KLHL25: variants seen among roughly 807,000 people sequenced by gnomAD.
KLHL25 encodes kelch-like protein 25.
In KLHL25, 41 loss-of-function variants were observed where a neutral mutation model predicts 30.0. That is an observed-to-expected ratio of 1.37 (90% CI 1.07 to 1.78). The LOEUF (loss-of-function observed/expected upper bound fraction) is 1.78. Ranked by LOEUF, KLHL25 falls within the 40% of genes most tolerant of loss-of-function variation. The pLI is 0.00. For missense variants in KLHL25, 971 were observed against 824.5 expected, an observed-to-expected ratio of 1.18 and a Z score of -2.18; for synonymous variants, 399 against 355.3, an observed-to-expected ratio of 1.12 and a Z score of -1.38.
Position 85,789,276 on chromosome 15 carries a change from C to T in KLHL25, c.-11+5490G>A, listed in dbSNP as rs1392782270. ...CTTGAGCTGGTGGCAGCAGGCACAG[C>T]GCTCCCATGGCCTGCTCAGCCCTGC... On this transcript the variant is annotated intron_variant, in intron 1 of 2. Coordinates refer to ENST00000337975, the MANE Select transcript of KLHL25 (RefSeq NM_022480.4). The surrounding 1 kb of genome is among the most constrained non-coding windows in gnomAD (Gnocchi z 4.1). Among the ~76,000 whole-genome samples, 1 of 152,310 alleles carries T rather than the reference C, an allele frequency of 6.6e-6. No individual in the cohort carries two copies. Among genetic ancestry groups the T allele is most frequent in the South Asian group, 2.1e-4 (1 of 4,830 alleles).
At chr15:85,792,870 G>C (rs1661814945) in intron 1 of KLHL25, among the ~76,000 whole-genome samples, 1 of 152,026 alleles carries the variant, frequency 6.6e-6, no homozygotes, top group African/African-American at 2.4e-5. Context: ...CTATCACTAC[G>C]ATGTGTCAGG....
intron 1 of KLHL25, among the ~76,000 whole-genome samples, chr15:85,781,713 A>G (rs1457676822): frequency 1.3e-5 from 2 of 152,118 alleles, no homozygotes; most frequent in Admixed American, 1.3e-4. Flanking sequence ...TGAACTCCTA[A>G]TCTCCAGTAA....
At chr15:85,786,502 G>A (rs923309492) in intron 1 of KLHL25, among the ~76,000 whole-genome samples, 1 of 152,216 alleles carries the variant, frequency 6.6e-6, no homozygotes. Flanking sequence ...TTAGTCTGTG[G>A]TGGCCACTGC....
At chr15:85,773,793 C>G (rs955563372) in intron 1 of KLHL25, among the ~76,000 whole-genome samples, 12 of 152,156 alleles carry the variant, frequency 7.9e-5, no homozygotes, top group Admixed American at 5.9e-4. Context: ...GCCACCTACC[C>G]AAGATGGAAG....
At chr15:85,787,872 T>C (rs1413182992) in intron 1 of KLHL25, among the ~76,000 whole-genome samples, 1 of 152,100 alleles carries the variant, frequency 6.6e-6, no homozygotes, top group Non-Finnish European at 1.5e-5. Flanking sequence ...CCTCACACTG[T>C]GCTCCATCTT....
intron 1 of KLHL25, among the ~76,000 whole-genome samples, chr15:85,790,726 T>C (rs1483403741): frequency 6.6e-6 from 1 of 152,118 alleles, no homozygotes; most frequent in East Asian, 1.9e-4. Flanking sequence ...CCTCGGGCCT[T>C]GGTCACGCTG....
At chr15:85,793,227 A>G (rs866574903) in intron 1 of KLHL25, among the ~76,000 whole-genome samples, 2 of 152,128 alleles carry the variant, frequency 1.3e-5, no homozygotes, top group Non-Finnish European at 2.9e-5. Context: ...TGGAGCATGC[A>G]ATTTGCCTAT....
chr15:85,791,015 C>G (rs892903142), intron 1 of KLHL25, among the ~76,000 whole-genome samples: 20 of 151,400 alleles, frequency 1.3e-4, no homozygotes, highest in African/African-American at 4.9e-4. Flanking sequence ...GCCTGGCCAA[C>G]ATGGTGAAAC....
At position 85,770,258 on chromosome 15, in the gene KLHL25, C is replaced by G. The variant is rs552644524; in HGVS notation, c.-10-438G>C. Reference sequence around the variant, plus strand: ...TTCTCTTGTAAGTCCCATTTTAGAGCTAGGGAAGCCACAGCTCAGAGAGGC... The same window carrying G: ...TTCTCTTGTAAGTCCCATTTTAGAGGTAGGGAAGCCACAGCTCAGAGAGGC... On this transcript the variant is annotated intron_variant, in intron 1 of 2. Transcript: ENST00000337975. 7.2e-5 allele frequency among the ~76,000 whole-genome samples: 11 copies of G among 152,362 alleles called. 1 individual carries two copies. In the South Asian group the frequency reaches 2.3e-3, roughly 32 times the overall value.
chr15:85,780,262 A>C (rs1428734098), intron 1 of KLHL25, among the ~76,000 whole-genome samples: 1 of 152,240 alleles, frequency 6.6e-6, no homozygotes. Flanking sequence ...CAGAGGGGAC[A>C]AAGAACTCAG....
intron 2 of KLHL25, among the ~76,000 whole-genome samples, chr15:85,767,034 A>C (rs1219068180): frequency 1.4e-5 from 2 of 140,786 alleles, no homozygotes; most frequent in Non-Finnish European, 3.0e-5. Flanking sequence ...ACTGTTGCCC[A>C]GGCTGGAGTA....
In KLHL25 at chr15:85,765,621, C is replaced by CAA. The variant is rs200486890; in HGVS notation, c.*24+2394_*24+2395dup. Among the ~76,000 whole-genome samples the CAA allele has an allele frequency of 2.5e-3, 187 of 75,508 alleles. 2 individuals are homozygous for CAA. The highest frequency in any genetic ancestry group is 0.025 in the Middle Eastern group (2 of 80). 49.5% of individuals were successfully genotyped at this position (75,508 alleles called of 152,430 possible). ...AGCCTGGGGGAGAACGAGACTGTCT[C>CAA]AAAAAAAAAAAAAAGAAGAAGAAGA... On this transcript the variant is annotated intron_variant, in intron 2 of 2. Coordinates refer to ENST00000337975, the MANE Select transcript of KLHL25 (RefSeq NM_022480.4).
chr15:85,793,702 T>C (rs555728483), intron 1 of KLHL25, among the ~76,000 whole-genome samples: 124 of 152,204 alleles, frequency 8.1e-4, no homozygotes, highest in African/African-American at 2.9e-3. Flanking sequence ...CTAACTTCCT[T>C]CCCTTCCTCT....
In KLHL25 at chr15:85,788,019, G is replaced by A. The variant is rs569323504; in HGVS notation, c.-11+6747C>T. On this transcript the variant is annotated intron_variant, in intron 1 of 2. Transcript: ENST00000337975. ...GGAGGTGAGCTGAGATCGCGCCACCGCACTGCGGCCTGGGCAATGAGAGGG... is the reference window on the plus strand; with the variant it reads ...GGAGGTGAGCTGAGATCGCGCCACCACACTGCGGCCTGGGCAATGAGAGGG... Among the ~76,000 whole-genome samples the A allele has an allele frequency of 8.8e-5, 11 of 124,918 alleles. No homozygotes were observed. In the East Asian group the frequency reaches 1.2e-3, roughly 14 times the overall value. 82.0% of individuals were successfully genotyped at this position (124,918 alleles called of 152,430 possible). A position where few individuals can be genotyped will look rare whatever the true frequency, so the allele number is the denominator to read the frequency against.
chr15:85,778,279 T>C (rs1375319183), intron 1 of KLHL25, among the ~76,000 whole-genome samples: 1 of 152,182 alleles, frequency 6.6e-6, no homozygotes, highest in Non-Finnish European at 1.5e-5. Flanking sequence ...CACATCTCAC[T>C]GGCCAAATCC....
In KLHL25 at chr15:85,768,029, A is replaced by C. The variant is rs142950006; in HGVS notation, c.*12T>G. On this transcript the variant is annotated 3_prime_UTR_variant, in exon 2 of 3. Coordinates refer to ENST00000337975, the MANE Select transcript of KLHL25 (RefSeq NM_022480.4). The stretch of plus-strand genomic sequence containing the variant: ...GCCAGGGACTCACCTGGCTGGGCTC[A>C]GCAGGTGCTCCTCACGCGGGCAGGT... 6,449 of 1,603,194 alleles carry C rather than the reference A, an allele frequency of 4.0e-3. 12 individuals are homozygous for C. Among genetic ancestry groups the C allele is most frequent in the Non-Finnish European group, 5.0e-3 (5,885 of 1,172,240 alleles).
At chr15:85,772,665 G>C (rs1020344058) in intron 1 of KLHL25, among the ~76,000 whole-genome samples, 1 of 152,234 alleles carries the variant, frequency 6.6e-6, no homozygotes, top group Non-Finnish European at 1.5e-5. Context: ...GCAGGACAAA[G>C]CAAGACTCAA....
chr15:85,766,146 T>G (rs1277124826), intron 2 of KLHL25, among the ~76,000 whole-genome samples: 4 of 152,204 alleles, frequency 2.6e-5, no homozygotes, highest in Non-Finnish European at 5.9e-5. Flanking sequence ...TCGGGCCAGC[T>G]CCTGAAAGGG....
chr15:85,772,273 A>G (rs1004685439), intron 1 of KLHL25, among the ~76,000 whole-genome samples: 1 of 152,212 alleles, frequency 6.6e-6, no homozygotes, highest in African/African-American at 2.4e-5. Flanking sequence ...CACTGAGGTC[A>G]CGTTCAAGGG....
Sources: allele counts gnomAD v4.1 joint callset (sites outside exome capture counted in the v4.1 genomes callset), GRCh38; gene constraint gnomAD v4.1.1; non-coding constraint Gnocchi (gnomAD v3.1); transcripts MANE v1.5; gene names NCBI Gene and HGNC (gene_info 2026-07-23, HGNC 2026-07-21).